GLOD4: variants seen among roughly 807,000 people sequenced by gnomAD.
The protein encoded by GLOD4 is glyoxalase domain containing 4, also known as glyoxalase domain-containing protein 4.
Under a neutral mutation model 39.1 loss-of-function variants are expected in GLOD4, and 44 were observed. That is an observed-to-expected ratio of 1.13 (90% CI 0.88 to 1.45). The LOEUF (loss-of-function observed/expected upper bound fraction) is 1.45. Ranked by LOEUF, GLOD4 falls within the 40% of genes most tolerant of loss-of-function variation. GLOD4 has a pLI of 0.00. For missense variants in GLOD4, 405 were observed against 366.4 expected, an observed-to-expected ratio of 1.11 and a Z score of -0.86; for synonymous variants, 145 against 135.0, an observed-to-expected ratio of 1.07 and a Z score of -0.52.
chr17:783,668 A>G (rs555273211), upstream of GLOD4, among the ~76,000 whole-genome samples: 2 of 152,330 alleles, frequency 1.3e-5, no homozygotes, highest in East Asian at 3.9e-4. Flanking sequence ...GTGGAGACCT[A>G]GGATTAATTT....
chr17:780,984 G>T (rs1316025465), intron 1 of GLOD4, among the ~76,000 whole-genome samples: 6 of 145,532 alleles, frequency 4.1e-5, no homozygotes, highest in African/African-American at 1.5e-4. Context: ...ACAATGGTGC[G>T]ATCTCGGCTC....
chr17:770,306 T>C, intron 6 of GLOD4, 115 bp downstream of exon 6: 2 of 773,458 alleles, frequency 2.6e-6, no homozygotes, highest in Middle Eastern at 2.3e-4. Flanking sequence ...AAACAACTGC[T>C]GAACTTGATA....
Position 778,548 on chromosome 17 carries a change from T to C in GLOD4, c.140+147A>G, listed in dbSNP as rs185433458. ...CTCATGAGAGTGCAGAGAAACAGTA[T>C]GTGTTCCCGACGCTCCTGAAGTTGC... On this transcript the variant is annotated intron_variant, in intron 2 of 8. Transcript: ENST00000301329. 208 of 689,082 alleles carry C rather than the reference T, an allele frequency of 3.0e-4. 1 individual carries two copies. In the East Asian group the frequency reaches 3.6e-3, roughly 12 times the overall value. 42.7% of individuals were successfully genotyped at this position (689,082 alleles called of 1,614,324 possible). A position where few individuals can be genotyped will look rare whatever the true frequency, so the allele number is the denominator to read the frequency against.
At chr17:778,567 A>C (rs895656459) in intron 2 of GLOD4, 128 bp downstream of exon 2, 3 of 728,806 alleles carry the variant, frequency 4.1e-6, no homozygotes, top group Non-Finnish European at 2.5e-6. Flanking sequence ...GACGCTCCTG[A>C]AGTTGCCTCC....
chr17:760,385 GAAAT>G (rs1905237825), intron 8 of GLOD4, 147 bp from the exon 9 acceptor site: 1 of 590,930 alleles, frequency 1.7e-6, no homozygotes. Flanking sequence ...AAAGAGAAGA[GAAAT>G]AAAAAAAATT....
chr17:783,347 A>ATT (rs750093342), upstream of GLOD4: 2 of 1,444,942 alleles, frequency 1.4e-6, no homozygotes, highest in South Asian at 1.3e-5. Flanking sequence ...TACCCAGTGT[A>ATT]TCTTTTTTTT....
intron 2 of GLOD4, 74 bp downstream of exon 2, chr17:778,621 C>A: frequency 1.1e-6 from 1 of 921,126 alleles, no homozygotes; most frequent in Non-Finnish European, 1.8e-6. Flanking sequence ...TTTATACTCA[C>A]TTTGAGAAAC....
At chr17:773,597 C>G (rs1400574458) in intron 4 of GLOD4, among the ~76,000 whole-genome samples, 2 of 152,032 alleles carry the variant, frequency 1.3e-5, no homozygotes, top group Non-Finnish European at 2.9e-5. Flanking sequence ...ATTGAAACAC[C>G]TACTGTTACT....
At chr17:783,544 C>A, upstream of GLOD4, 1 of 407,178 alleles carries the variant, frequency 2.5e-6, no homozygotes, top group Non-Finnish European at 4.5e-6. Context: ...ACCATGTTGG[C>A]CAGGCTGACG....
rs1478498086 is a variant in GLOD4, at chr17:759,913, C to G, written c.*260G>C. The G allele has an allele frequency of 2.3e-6, 1 of 441,060 alleles. No homozygotes were observed. Among genetic ancestry groups the G allele is most frequent in the African/African-American group, 2.0e-5 (1 of 50,446 alleles). 27.3% of individuals were successfully genotyped at this position (441,060 alleles called of 1,614,324 possible). The stretch of plus-strand genomic sequence containing the variant: ...GTCTGGACAATCATCTGTCACTCAT[C>G]CAACACAGTTATATACAGAATGCGC... On this transcript the variant is annotated 3_prime_UTR_variant, in exon 9 of 9. Coordinates refer to ENST00000301329, the MANE Select transcript of GLOD4 (RefSeq NM_016080.4).
chr17:766,049 C>A (rs1444237770), intron 8 of GLOD4, among the ~76,000 whole-genome samples: 1 of 152,096 alleles, frequency 6.6e-6, no homozygotes, highest in African/African-American at 2.4e-5. Flanking sequence ...ATAATCCCAG[C>A]ACTTTGGGAG....
chr17:760,190 G>T lies in GLOD4; in HGVS notation c.880C>A (p.Pro294Thr). 1 of 1,598,348 alleles carries T rather than the reference G, an allele frequency of 6.3e-7. No homozygotes were observed. The highest frequency in any genetic ancestry group is 8.6e-7 in the Non-Finnish European group (1 of 1,165,682). Residue 294 changes from proline to threonine, a missense_variant, in exon 9 of 9, where the codon CCC becomes ACC. Transcript: ENST00000301329. ...GTCTTCCGTTAACCTGAAGCTTTGG[G>T]TTTATTGTGTTTGGCAAACCACTCG... ...SDEWFAKHNKPKASG is the reference protein window; with the variant it reads ...SDEWFAKHNKTKASG
intron 8 of GLOD4, among the ~76,000 whole-genome samples, chr17:769,460 G>A (rs1486714863): frequency 6.8e-6 from 1 of 148,082 alleles, no homozygotes; most frequent in Non-Finnish European, 1.5e-5. Flanking sequence ...ATCTCCATGG[G>A]GAGAGCTGAG....
upstream of GLOD4, among the ~76,000 whole-genome samples, chr17:784,810 C>T (rs73975522): frequency 0.014 from 2,106 of 152,256 alleles, 50 homozygotes; most frequent in African/African-American, 0.048. Context: ...AAGTAAAGGA[C>T]TTCTAAGGTC....
intron 8 of GLOD4, among the ~76,000 whole-genome samples, chr17:767,365 A>G (rs926310247): frequency 6.6e-6 from 1 of 152,274 alleles, no homozygotes; most frequent in East Asian, 1.9e-4. Context: ...AGTAGTTGCT[A>G]TATTTGGCAA....
At chr17:768,849 C>T (rs56169642) in intron 8 of GLOD4, among the ~76,000 whole-genome samples, 16 of 146,642 alleles carry the variant, frequency 1.1e-4, no homozygotes, top group African/African-American at 3.1e-4. Context: ...AGAGAAACAG[C>T]GCGCACTCAG....
intron 8 of GLOD4, chr17:764,652 GT>G (rs775987140): frequency 1.3e-5 from 2 of 151,910 alleles, no homozygotes; most frequent in Non-Finnish European, 2.9e-5. Flanking sequence ...ATAAAATTGA[GT>G]ATCAGTCAGC....
chr17:768,332 TGA>T (rs1225317642), intron 8 of GLOD4, among the ~76,000 whole-genome samples: 16 of 139,640 alleles, frequency 1.1e-4, no homozygotes, highest in East Asian at 6.7e-4. Context: ...GAAGAGGACG[TGA>T]GAGAGAGAAA....
intron 1 of GLOD4, among the ~76,000 whole-genome samples, chr17:781,708 G>A (rs1283878539): frequency 6.6e-6 from 1 of 152,192 alleles, no homozygotes; most frequent in Non-Finnish European, 1.5e-5. Flanking sequence ...TTGAGAGTTG[G>A]AGCATATATT....
Sources: gnomAD v4.1 joint callset for allele counts (sites outside exome capture counted in the v4.1 genomes callset) on GRCh38, gnomAD v4.1.1 for gene constraint, MANE v1.5 for transcripts, NCBI Gene and HGNC (gene_info 2026-07-23, HGNC 2026-07-21) for gene names.